Variants in IMMP1L observed in about 807,000 individuals in gnomAD.
IMMP1L encodes the protein mitochondrial inner membrane protease subunit 1.
In IMMP1L, 24 loss-of-function variants were observed where a neutral mutation model predicts 21.8. The observed-to-expected ratio is 1.10, with a 90% CI of 0.80 to 1.55. IMMP1L has a LOEUF of 1.55. Ranked by LOEUF, IMMP1L falls within the 40% of genes most tolerant of loss-of-function variation. IMMP1L has a pLI of 0.00. For missense variants in IMMP1L, 195 were observed against 200.7 expected (o/e 0.97, Z 0.17); for synonymous variants, 46 against 62.8 (o/e 0.73, Z 1.26).
intron 4 of IMMP1L, among the ~76,000 whole-genome samples, chr11:31,437,983 G>C (rs934959746): frequency 6.6e-6 from 1 of 152,104 alleles, no homozygotes; most frequent in African/African-American, 2.4e-5. Flanking sequence ...TATGAAACTG[G>C]AGGTGGATAC....
Position 31,438,510 on chromosome 11 carries a change from T to G in IMMP1L, c.322-4940A>C, listed in dbSNP as rs1032243915. Reference sequence around the variant, plus strand: ...TTTTGACAAGCAGAAGTTTTTAATGTTGCTGAGGTCCAATTCATACTTTTT... The same window carrying G: ...TTTTGACAAGCAGAAGTTTTTAATGGTGCTGAGGTCCAATTCATACTTTTT... On this transcript the variant is annotated intron_variant, in intron 4 of 5. Coordinates refer to ENST00000532287, the MANE Select transcript of IMMP1L (RefSeq NM_001304274.2). Among the ~76,000 whole-genome samples, 5 of 152,130 alleles carry G rather than the reference T, an allele frequency of 3.3e-5. No individual in the cohort carries two copies. The South Asian group carries it at 1.0e-3, about 31-fold the overall frequency.
chr11:31,473,736 A>AT (rs1351115342), intron 1 of IMMP1L: 1 of 984,808 alleles, frequency 1.0e-6, no homozygotes, highest in Non-Finnish European at 1.2e-6. Flanking sequence ...TAATTTCAGA[A>AT]TACCCAAAGT....
At chr11:31,478,740 CAA>C (rs936734228) in intron 1 of IMMP1L, among the ~76,000 whole-genome samples, 5 of 152,044 alleles carry the variant, frequency 3.3e-5, no homozygotes, top group African/African-American at 1.2e-4. Context: ...CATACTTGTG[CAA>C]AGTCAATTAT....
In IMMP1L at chr11:31,474,124, T is replaced by C. The variant is rs535632327; in HGVS notation, c.-29-10819A>G. 4.6e-5 allele frequency among the ~76,000 whole-genome samples: 7 copies of C among 152,230 alleles called. No homozygotes were observed. The South Asian group carries it at 1.2e-3, about 27-fold the overall frequency. On this transcript the variant is annotated intron_variant, in intron 1 of 5. Coordinates refer to ENST00000532287, the MANE Select transcript of IMMP1L (RefSeq NM_001304274.2). ...TTACCTTCATTTGGGCAAGAAAAAA[T>C]AGTAGATTTTGACATTTCTGAGACC... is the stretch of plus-strand genomic sequence containing the variant.
intron 4 of IMMP1L, chr11:31,452,220 T>C: frequency 1.0e-6 from 1 of 984,698 alleles, no homozygotes; most frequent in East Asian, 1.1e-4. Flanking sequence ...TTACAACATG[T>C]TTGTTGATAG....
chr11:31,460,181 A>G (rs1954088207), intron 3 of IMMP1L, among the ~76,000 whole-genome samples: 1 of 152,158 alleles, frequency 6.6e-6, no homozygotes, highest in African/African-American at 2.4e-5. Flanking sequence ...GAAAATTTAA[A>G]AAAATAAAAA....
chr11:31,470,846 ATTATG>A (rs897508708), intron 1 of IMMP1L, among the ~76,000 whole-genome samples: 1 of 152,236 alleles, frequency 6.6e-6, no homozygotes, highest in Non-Finnish European at 1.5e-5. Context: ...CTGGAGGACA[ATTATG>A]TTAGTGAAAT....
At chr11:31,465,712 A>C (rs193119887) in intron 1 of IMMP1L, among the ~76,000 whole-genome samples, 1 of 152,238 alleles carries the variant, frequency 6.6e-6, no homozygotes, top group Admixed American at 6.5e-5. Flanking sequence ...CTCTTCAATA[A>C]ATAGTGCTGG....
At chr11:31,493,897 C>G (rs1014833084) in intron 1 of IMMP1L, among the ~76,000 whole-genome samples, 1 of 152,242 alleles carries the variant, frequency 6.6e-6, no homozygotes, top group Non-Finnish European at 1.5e-5. Context: ...CACACTGATG[C>G]AAGAGGTGGG....
intron 1 of IMMP1L, among the ~76,000 whole-genome samples, chr11:31,508,978 T>C (rs896225820): frequency 1.8e-4 from 28 of 152,228 alleles, no homozygotes; most frequent in Middle Eastern, 3.2e-3. Context: ...GTATTTTCTG[T>C]TATTTGCAGC....
At chr11:31,485,407 C>T (rs1329773310) in intron 1 of IMMP1L, among the ~76,000 whole-genome samples, 2 of 151,718 alleles carry the variant, frequency 1.3e-5, no homozygotes, top group Non-Finnish European at 3.0e-5. Context: ...ATATTTATTC[C>T]CCAAATAAGG....
At chr11:31,499,690 T>G (rs1381142236) in intron 1 of IMMP1L, among the ~76,000 whole-genome samples, 1 of 152,198 alleles carries the variant, frequency 6.6e-6, no homozygotes, top group Non-Finnish European at 1.5e-5. Flanking sequence ...CAAATTTCAG[T>G]GTCCACAAAG....
At chr11:31,476,687 T>C (rs1302384568) in intron 1 of IMMP1L, among the ~76,000 whole-genome samples, 1 of 152,112 alleles carries the variant, frequency 6.6e-6, no homozygotes, top group East Asian at 1.9e-4. Context: ...TATTTTAAAA[T>C]TAAGTACTCT....
intron 4 of IMMP1L, among the ~76,000 whole-genome samples, chr11:31,436,047 A>G (rs1371706955): frequency 6.6e-6 from 1 of 152,150 alleles, no homozygotes; most frequent in East Asian, 1.9e-4. Flanking sequence ...ATTGAATTTA[A>G]TATCCAGTGA....
At chr11:31,498,179 T>C (rs866328936) in intron 1 of IMMP1L, among the ~76,000 whole-genome samples, 8 of 152,246 alleles carry the variant, frequency 5.3e-5, no homozygotes, top group Admixed American at 1.3e-4. Context: ...TTCAAATCTT[T>C]AATTTTGACT....
chr11:31,507,546 T>C (rs1217026973), intron 1 of IMMP1L, among the ~76,000 whole-genome samples: 2 of 152,188 alleles, frequency 1.3e-5, no homozygotes, highest in Admixed American at 1.3e-4. Flanking sequence ...TATACCATTA[T>C]GTTAAGTGAA....
intron 1 of IMMP1L, among the ~76,000 whole-genome samples, chr11:31,504,926 A>T (rs1309203649): frequency 6.6e-6 from 1 of 152,242 alleles, no homozygotes; most frequent in African/African-American, 2.4e-5. Context: ...CTTTGTGAGT[A>T]TAATGACAGG....
At chr11:31,483,830 C>A (rs1319063531) in intron 1 of IMMP1L, among the ~76,000 whole-genome samples, 1 of 151,806 alleles carries the variant, frequency 6.6e-6, no homozygotes, top group Non-Finnish European at 1.5e-5. Context: ...TCTTTAATAA[C>A]AATACCATAC....
rs553429902 is a variant in IMMP1L at position 31,484,464 on chromosome 11, A to T, written c.-29-21159T>A. ...GAAAAAAAAATCCACTTTTTTTAAC[A>T]GCTGTAGAGTATTTCATTGTGTAGT... is the stretch of plus-strand genomic sequence containing the variant. On this transcript the variant is annotated intron_variant, in intron 1 of 5. Transcript: ENST00000532287. Among the ~76,000 whole-genome samples, 9 of 152,076 alleles carry T rather than the reference A, an allele frequency of 5.9e-5. No homozygotes were observed. In the South Asian group the frequency reaches 1.7e-3, roughly 28 times the overall value.
Sources: allele counts gnomAD v4.1 joint callset (sites outside exome capture counted in the v4.1 genomes callset), GRCh38; gene constraint gnomAD v4.1.1; transcripts MANE v1.5; gene names NCBI Gene and HGNC (gene_info 2026-07-23, HGNC 2026-07-21).